The following FBLN5 variants were observed in gnomAD, a reference collection of about 807,000 sequenced individuals.
FBLN5 encodes fibulin 5, also known as fibulin-5.
Under a neutral mutation model 61.6 loss-of-function variants are expected in FBLN5, and 24 were observed. The ratio of observed to expected loss-of-function variants is 0.39; its 90% CI spans 0.28 to 0.55. The LOEUF is 0.55. Among genes scored for constraint, FBLN5 ranks in the 20% least tolerant of loss-of-function variants. The pLI is 0.65. For missense variants in FBLN5, 470 were observed against 594.1 expected (o/e 0.79, Z 2.17); for synonymous variants, 213 against 219.8 (o/e 0.97, Z 0.27).
intron 4 of FBLN5, among the ~76,000 whole-genome samples, chr14:91,895,602 G>A (rs925048792): frequency 2.6e-5 from 4 of 151,554 alleles, no homozygotes; most frequent in Non-Finnish European, 4.4e-5. Context: ...AGTTCAAGAC[G>A]AGCTCAGGCA....
intron 3 of FBLN5, among the ~76,000 whole-genome samples, chr14:91,939,647 G>A (rs145525643): frequency 0.023 from 3,474 of 152,074 alleles, 62 homozygotes; most frequent in Non-Finnish European, 0.031. Flanking sequence ...CGGCCCCATC[G>A]ATGCTTTATT....
At chr14:91,891,440 CG>C in intron 5 of FBLN5, 103 bp from the exon 6 acceptor site, 1 of 818,886 alleles carries the variant, frequency 1.2e-6, no homozygotes, top group Non-Finnish European at 2.2e-6. Flanking sequence ...GGATCATGAA[CG>C]GAAGCAAATG....
chr14:91,927,194 T>C (rs983250777), intron 4 of FBLN5, among the ~76,000 whole-genome samples: 4 of 152,196 alleles, frequency 2.6e-5, no homozygotes, highest in African/African-American at 9.7e-5. Context: ...CAATCCGTTT[T>C]ATCCCACTCA....
chr14:91,919,378 A>AAGGAAGGAAGG (rs762859114), intron 4 of FBLN5, among the ~76,000 whole-genome samples: 1 of 62,214 alleles, frequency 1.6e-5, no homozygotes, highest in Non-Finnish European at 3.7e-5. Context: ...AAAGAAAAGA[A>AAGGAAGGAAGG]AAGAAAGAAA....
chr14:91,917,145 C>CT (rs1373001045), intron 4 of FBLN5, among the ~76,000 whole-genome samples: 1 of 152,194 alleles, frequency 6.6e-6, no homozygotes, highest in African/African-American at 2.4e-5. Flanking sequence ...TTGAGAGATC[C>CT]TGCCCTGAGA....
At chr14:91,901,941 A>C (rs1253131116) in intron 4 of FBLN5, among the ~76,000 whole-genome samples, 1 of 152,202 alleles carries the variant, frequency 6.6e-6, no homozygotes, top group Non-Finnish European at 1.5e-5. Context: ...CTCTTTCTCT[A>C]TCCCTAAAGC....
At chr14:91,896,574 C>A (rs1038242083) in intron 4 of FBLN5, among the ~76,000 whole-genome samples, 2 of 152,106 alleles carry the variant, frequency 1.3e-5, no homozygotes, top group African/African-American at 4.8e-5. Flanking sequence ...GCTCACAATC[C>A]CCATTTTACA....
At chr14:91,946,799 G>C (rs890340510) in intron 1 of FBLN5, 1 of 1,535,664 alleles carries the variant, frequency 6.5e-7, no homozygotes, top group South Asian at 1.2e-5. Context: ...CAGCCCCGCG[G>C]TGTTCAGCTA....
At chr14:91,899,045 G>A (rs1309652683) in intron 4 of FBLN5, among the ~76,000 whole-genome samples, 1 of 151,860 alleles carries the variant, frequency 6.6e-6, no homozygotes, top group Non-Finnish European at 1.5e-5. Context: ...CTCGTGATCT[G>A]CCCGCATCGG....
chr14:91,942,928 A>G lies in FBLN5; in HGVS notation c.51T>C (p.Leu17=). The G allele has an allele frequency of 6.5e-7, 1 of 1,549,364 alleles. No homozygotes were observed. The highest frequency in any genetic ancestry group is 8.7e-7 in the Non-Finnish European group (1 of 1,143,914). Residue 17 remains leucine (L), a synonymous_variant, in exon 2 of 11, where the codon CTT becomes CTC. Coordinates refer to ENST00000342058, the MANE Select transcript of FBLN5 (RefSeq NM_006329.4). ...TTACCTGTGCATTCCCAGGGCTTGG[A>G]AGACAGAGAGCCAGAATGGTAACAG... The part of the protein sequence containing the change: ...ILTVTILALC[L]PSPGNAQAQC...
At chr14:91,874,676 G>C (rs761879151) in intron 10 of FBLN5, 1 of 152,192 alleles carries the variant, frequency 6.6e-6, no homozygotes, top group Non-Finnish European at 1.5e-5. Flanking sequence ...ACTTAGAATA[G>C]TGTCTGGCAC....
At chr14:91,896,284 C>T (rs370038370) in intron 4 of FBLN5, among the ~76,000 whole-genome samples, 1 of 152,170 alleles carries the variant, frequency 6.6e-6, no homozygotes, top group Non-Finnish European at 1.5e-5. Context: ...ATTTACTCCA[C>T]AAGGATCCAC....
intron 4 of FBLN5, among the ~76,000 whole-genome samples, chr14:91,896,788 C>T (rs936716282): frequency 4.6e-5 from 7 of 152,284 alleles, no homozygotes; most frequent in East Asian, 3.9e-4. Flanking sequence ...CCCACTCCCA[C>T]GCTGTCTGCC....
chr14:91,872,952 G>T (rs980296725), intron 10 of FBLN5, among the ~76,000 whole-genome samples: 1 of 152,230 alleles, frequency 6.6e-6, no homozygotes. Flanking sequence ...AGGGAGAAGG[G>T]GGCAAGTGCA....
chr14:91,879,703 C>T (rs529700685), intron 9 of FBLN5, among the ~76,000 whole-genome samples: 15 of 152,240 alleles, frequency 9.9e-5, no homozygotes, highest in Non-Finnish European at 1.8e-4. Flanking sequence ...CTTAGTAGCA[C>T]AGCTCTTAGC....
intron 4 of FBLN5, among the ~76,000 whole-genome samples, chr14:91,923,941 C>G (rs550713279): frequency 2.0e-5 from 3 of 152,222 alleles, no homozygotes; most frequent in Admixed American, 2.0e-4. Flanking sequence ...TGTCCCATAC[C>G]TACGTTCGTT....
chr14:91,876,282 T>C (rs1213412646), intron 10 of FBLN5, among the ~76,000 whole-genome samples: 1 of 152,194 alleles, frequency 6.6e-6, no homozygotes, highest in Non-Finnish European at 1.5e-5. Context: ...CATGACTTCA[T>C]AGGGCCCAGT....
At chr14:91,919,156 C>G (rs1595333920) in intron 4 of FBLN5, among the ~76,000 whole-genome samples, 1 of 151,890 alleles carries the variant, frequency 6.6e-6, no homozygotes, top group African/African-American at 2.4e-5. Context: ...CATGGTGAAA[C>G]CCTGCCTCTA....
At chr14:91,938,368 T>C in intron 3 of FBLN5, 1 of 165,252 alleles carries the variant, frequency 6.1e-6, no homozygotes, top group South Asian at 1.3e-4. Flanking sequence ...GGCAGAAGAA[T>C]CGCTTGAACC....
Sources: allele counts gnomAD v4.1 joint callset (sites outside exome capture counted in the v4.1 genomes callset), GRCh38; gene constraint gnomAD v4.1.1; transcripts MANE v1.5; gene names NCBI Gene and HGNC (gene_info 2026-07-23, HGNC 2026-07-21).